Variants in C10orf67 observed in about 807,000 individuals in gnomAD.
The protein encoded by C10orf67 is chromosome 10 open reading frame 67.
A neutral mutation model predicts 35.6 loss-of-function variants in C10orf67; 60 were observed. The observed-to-expected ratio is 1.68, with a 90% confidence interval of 1.37 to 2.09. C10orf67 has a LOEUF of 2.09. Among genes scored for constraint, C10orf67 ranks in the 30% most tolerant of loss-of-function variants. The pLI is 0.00. For missense variants in C10orf67, 474 were observed against 330.2 expected (o/e 1.44, Z -3.38); for synonymous variants, 167 against 115.8 (o/e 1.44, Z -2.84).
intron 10 of C10orf67, among the ~76,000 whole-genome samples, chr10:23,261,518 C>A (rs140119598): frequency 6.6e-6 from 1 of 152,252 alleles, no homozygotes; most frequent in East Asian, 1.9e-4. Context: ...CACTATGTTG[C>A]CCAGGCTGGT....
rs34098221 is a variant in C10orf67, at chr10:23,340,349, CAAAAAAAA to C, written c.206+4212_206+4219del. 5.1e-3 allele frequency among the ~76,000 whole-genome samples: 604 copies of C among 118,592 alleles called. 3 individuals carry two copies. The highest frequency in any genetic ancestry group is 7.4e-3 in the Non-Finnish European group (430 of 58,370). The allele number at this position is 118,592 out of a possible 152,430, so 77.8% of individuals were successfully genotyped here. On this transcript the variant is annotated intron_variant, in intron 1 of 15. Transcript: ENST00000636213. The stretch of plus-strand genomic sequence containing the variant: ...GTGAAGCCCTGTCTCTACAAAAATA[CAAAAAAAA>C]AAAAAAAAAAAAATTAGCTGGGCCT...
At chr10:23,224,467 GCTCCT>G (rs1476954910) in intron 13 of C10orf67, among the ~76,000 whole-genome samples, 1 of 152,188 alleles carries the variant, frequency 6.6e-6, no homozygotes, top group Non-Finnish European at 1.5e-5. Context: ...AAAAATCAGA[GCTCCT>G]CTCCCCCTCC....
intron 12 of C10orf67, among the ~76,000 whole-genome samples, chr10:23,248,683 G>A (rs532829682): frequency 2.6e-5 from 4 of 152,210 alleles, no homozygotes; most frequent in East Asian, 3.9e-4. Context: ...ATCACACCAC[G>A]ATGAAGTACT....
intron 15 of C10orf67, among the ~76,000 whole-genome samples, chr10:23,212,158 G>A (rs948012487): frequency 5.3e-5 from 8 of 152,144 alleles, no homozygotes; most frequent in African/African-American, 1.7e-4. Context: ...TAGACACAGG[G>A]AGAATGTCAT....
intron 1 of C10orf67, among the ~76,000 whole-genome samples, chr10:23,334,082 A>G (rs1364958186): frequency 6.6e-6 from 1 of 152,248 alleles, no homozygotes; most frequent in Non-Finnish European, 1.5e-5. Context: ...CCAATCTGGC[A>G]ACTATCAATA....
At chr10:23,245,819 A>G (rs760126552) in intron 12 of C10orf67, among the ~76,000 whole-genome samples, 2 of 152,188 alleles carry the variant, frequency 1.3e-5, no homozygotes, top group Non-Finnish European at 2.9e-5. Context: ...TTAAAATAGA[A>G]CTACTCTTTG....
At chr10:23,279,904 G>A (rs1426485102) in intron 8 of C10orf67, among the ~76,000 whole-genome samples, 1 of 152,014 alleles carries the variant, frequency 6.6e-6, no homozygotes, top group Non-Finnish European at 1.5e-5. Flanking sequence ...GGGCTGAAAA[G>A]CAGTGGTACA....
At chr10:23,223,264 T>C (rs1047731245) in intron 15 of C10orf67, among the ~76,000 whole-genome samples, 10 of 152,116 alleles carry the variant, frequency 6.6e-5, no homozygotes, top group Middle Eastern at 3.4e-3. Flanking sequence ...GTATTTTTTT[T>C]TGTAGAGGTA....
At chr10:23,271,089 C>A (rs1224050773) in intron 8 of C10orf67, among the ~76,000 whole-genome samples, 1 of 148,164 alleles carries the variant, frequency 6.7e-6, no homozygotes, top group African/African-American at 2.5e-5. Context: ...ATTTACCAAG[C>A]AAAAGGAAAA....
chr10:23,328,993 C>CAAAAAAAAAAAAA (rs57772405), intron 2 of C10orf67, among the ~76,000 whole-genome samples: 35 of 78,710 alleles, frequency 4.4e-4, no homozygotes, highest in Non-Finnish European at 5.2e-4. Flanking sequence ...CATAAACGAA[C>CAAAAAAAAAAAAA]AAAAAAAAAA....
chr10:23,326,663 T>C (rs1845206587), intron 2 of C10orf67, among the ~76,000 whole-genome samples: 1 of 152,142 alleles, frequency 6.6e-6, no homozygotes. Context: ...GAGTTTGTAA[T>C]GTATGTATAA....
At chr10:23,311,871 G>T (rs4747461) in intron 4 of C10orf67, among the ~76,000 whole-genome samples, 1 of 151,978 alleles carries the variant, frequency 6.6e-6, no homozygotes, top group African/African-American at 2.4e-5. Flanking sequence ...TTAAGGTCCC[G>T]GTGTTAGTTT....
intron 15 of C10orf67, among the ~76,000 whole-genome samples, chr10:23,208,133 T>C (rs547260752): frequency 2.3e-4 from 35 of 152,232 alleles, no homozygotes; most frequent in Non-Finnish European, 4.1e-4. Context: ...CACGTACGAA[T>C]TTGAAATTAC....
Position 23,223,658 on chromosome 10 carries a change from T to C in C10orf67, c.1510A>G (p.Ile504Val), listed in dbSNP as rs1158746687. The C allele has an allele frequency of 2.8e-6, 2 of 717,480 alleles. No individual in the cohort carries two copies. The highest frequency in any genetic ancestry group is 2.0e-5 in the Admixed American group (1 of 50,006). 44.4% of individuals were successfully genotyped at this position (717,480 alleles called of 1,614,324 possible). ...ISSSSHCTSSIDGKHVDVVSD... is the reference protein window; with the variant it reads ...ISSSSHCTSSVDGKHVDVVSD... ...ACTACATCCACATGCTTACCGTCTA[T>C]CTGTAAGTGAACCAAAACTTTTCAT... is the stretch of plus-strand genomic sequence containing the variant. Residue 504 changes from isoleucine (I) to valine (V), a missense_variant and splice_region_variant, in exon 15 of 16, where the codon ATA (isoleucine) becomes GTA (valine). Physicochemically the swap from Ile to Val is conservative, Grantham distance 29 (BLOSUM62 3). Coordinates refer to ENST00000636213, the MANE Select transcript of C10orf67 (RefSeq NM_001371909.1).
intron 15 of C10orf67, among the ~76,000 whole-genome samples, chr10:23,207,461 GA>G (rs138814469): frequency 0.2 from 30,497 of 152,162 alleles, 3,792 homozygotes; most frequent in Non-Finnish European, 0.28. Context: ...GCATGCTAAT[GA>G]ACTAATGAAT....
At chr10:23,328,993 C>CTAAAAAA (rs1845308433) in intron 2 of C10orf67, among the ~76,000 whole-genome samples, 1 of 78,732 alleles carries the variant, frequency 1.3e-5, no homozygotes. Context: ...CATAAACGAA[C>CTAAAAAA]AAAAAAAAAA....
intron 10 of C10orf67, among the ~76,000 whole-genome samples, chr10:23,258,717 G>A (rs1039625270): frequency 5.3e-5 from 8 of 152,196 alleles, no homozygotes; most frequent in African/African-American, 1.9e-4. Flanking sequence ...CTTACAATGA[G>A]ATCATTCGGA....
At chr10:23,258,632 G>T (rs1039992106) in intron 10 of C10orf67, 1 of 152,952 alleles carries the variant, frequency 6.5e-6, no homozygotes, top group Non-Finnish European at 1.5e-5. Context: ...AAGGGCTGAA[G>T]AATTCTGCAG....
chr10:23,292,153 C>A (rs894344318), intron 5 of C10orf67, among the ~76,000 whole-genome samples: 1 of 135,916 alleles, frequency 7.4e-6, no homozygotes, highest in Non-Finnish European at 1.5e-5. Context: ...ATTGGGACAG[C>A]TACTCTTTTT....
Sources: allele counts gnomAD v4.1 joint callset (sites outside exome capture counted in the v4.1 genomes callset), GRCh38; gene constraint gnomAD v4.1.1; transcripts MANE v1.5; gene names NCBI Gene and HGNC (gene_info 2026-07-23, HGNC 2026-07-21).